RNGTT: variants seen among roughly 807,000 people sequenced by gnomAD.
The protein encoded by RNGTT is mRNA-capping enzyme.
In RNGTT, 33 loss-of-function variants were observed where a neutral mutation model predicts 79.3. The observed-to-expected ratio is 0.42, with a 90% CI of 0.32 to 0.56. The LOEUF is 0.56. Ranked by LOEUF, RNGTT falls within the 20% of genes least tolerant of loss-of-function variation. RNGTT has a pLI of 0.17. For missense variants in RNGTT, 497 were observed against 739.1 expected (o/e 0.67, Z 3.80); for synonymous variants, 222 against 235.9 (o/e 0.94, Z 0.54).
At chr6:88,853,307 A>C (rs552131663) in intron 9 of RNGTT, among the ~76,000 whole-genome samples, 7 of 152,300 alleles carry the variant, frequency 4.6e-5, no homozygotes, top group African/African-American at 1.7e-4. Context: ...GGAGTTCAAG[A>C]CCAGCCTGAC....
At position 88,874,632 on chromosome 6, in the gene RNGTT, G is replaced by A. The variant is rs1582569170; in HGVS notation, c.896+15863C>T. Among the ~76,000 whole-genome samples, 3 of 151,436 alleles carry A rather than the reference G, an allele frequency of 2.0e-5. No homozygotes were observed. The South Asian group carries it at 6.2e-4, about 31-fold the overall frequency. On this transcript the variant is annotated intron_variant, in intron 8 of 15. Transcript: ENST00000369485. Reference sequence around the variant, plus strand: ...GAATAAGAGTATGTGAGCAAATAATGAGTTAAGAAAGTATCACAGAATCGT... The same window carrying A: ...GAATAAGAGTATGTGAGCAAATAATAAGTTAAGAAAGTATCACAGAATCGT...
intron 13 of RNGTT, among the ~76,000 whole-genome samples, chr6:88,732,464 T>C (rs1777149530): frequency 6.6e-6 from 1 of 152,096 alleles, no homozygotes; most frequent in Non-Finnish European, 1.5e-5. Flanking sequence ...CCTTAAAAAA[T>C]TAAAAATAGA....
intron 12 of RNGTT, among the ~76,000 whole-genome samples, chr6:88,792,949 T>C (rs1779470318): frequency 6.6e-6 from 1 of 152,186 alleles, no homozygotes; most frequent in African/African-American, 2.4e-5. Flanking sequence ...TATTTATACT[T>C]AGAATACCCT....
chr6:88,793,275 AATG>A (rs1779482599), intron 12 of RNGTT, among the ~76,000 whole-genome samples: 1 of 152,250 alleles, frequency 6.6e-6, no homozygotes, highest in Non-Finnish European at 1.5e-5. Context: ...AGAAAATGAA[AATG>A]ATGAACTAGA....
At chr6:88,647,952 C>T (rs1773643401) in intron 14 of RNGTT, among the ~76,000 whole-genome samples, 1 of 151,642 alleles carries the variant, frequency 6.6e-6, no homozygotes, top group African/African-American at 2.4e-5. Context: ...CATGGCTTGA[C>T]CTGTCAGATT....
chr6:88,670,021 C>A lies in RNGTT; in HGVS notation c.1506+8332G>T, dbSNP rs73752996. 8.3e-3 allele frequency among the ~76,000 whole-genome samples: 1,260 copies of A among 152,210 alleles called. 19 individuals are homozygous for A. Among genetic ancestry groups the A allele is most frequent in the African/African-American group, 0.029 (1,187 of 41,522 alleles). On this transcript the variant is annotated intron_variant, in intron 14 of 15. Transcript: ENST00000369485. ...ACTGGCAGAACTTTGACTGTTAGCC[C>A]GGCAAGAAACCCAGATAAGAAATGC...
intron 13 of RNGTT, among the ~76,000 whole-genome samples, chr6:88,764,024 C>T (rs780061222): frequency 4.6e-5 from 7 of 152,164 alleles, no homozygotes; most frequent in East Asian, 1.9e-4. Flanking sequence ...TTGTCTGGAG[C>T]CTCTGAATCC....
rs1412033486 is a variant in RNGTT at position 88,794,213 on chromosome 6, C to T, written c.1338+7351G>A. ...CTGGGAAGTTTCTGAAGAGAATATGCAGAGGACAAAACTCATGTTATTGTT... is the reference window on the plus strand; with the variant it reads ...CTGGGAAGTTTCTGAAGAGAATATGTAGAGGACAAAACTCATGTTATTGTT... On this transcript the variant is annotated intron_variant, in intron 12 of 15. Coordinates refer to ENST00000369485, the MANE Select transcript of RNGTT (RefSeq NM_003800.5). Among the ~76,000 whole-genome samples the T allele has an allele frequency of 2.0e-5, 3 of 152,084 alleles. No homozygotes were observed. The East Asian group carries it at 5.8e-4, about 29-fold the overall frequency.
chr6:88,841,361 A>T (rs1781282450), intron 11 of RNGTT, among the ~76,000 whole-genome samples: 1 of 152,228 alleles, frequency 6.6e-6, no homozygotes, highest in African/African-American at 2.4e-5. Flanking sequence ...TAGTGCTAGG[A>T]TTACTTACAG....
intron 1 of RNGTT, among the ~76,000 whole-genome samples, chr6:88,954,458 A>G (rs1334390865): frequency 2.0e-5 from 3 of 152,192 alleles, no homozygotes; most frequent in Non-Finnish European, 4.4e-5. Context: ...ATATGCACCT[A>G]ACCCTGGAGC....
At chr6:88,783,759 C>T (rs528475635) in intron 12 of RNGTT, among the ~76,000 whole-genome samples, 4 of 148,748 alleles carry the variant, frequency 2.7e-5, no homozygotes, top group African/African-American at 9.8e-5. Context: ...GGGGCTGTTC[C>T]GTGCAATGTA....
rs9451061 is a variant in RNGTT at position 88,716,394 on chromosome 6, T to C, written c.1440-37975A>G. On this transcript the variant is annotated intron_variant, in intron 13 of 15. Transcript: ENST00000369485. ...GGACTGTAAACTCGTTCAACCATTG[T>C]GGAAGTCAGTGTGGTGATTCCTCAG... Among the ~76,000 whole-genome samples, 1,174 of 152,306 alleles carry C rather than the reference T, an allele frequency of 7.7e-3. 8 individuals are homozygous for C. Among genetic ancestry groups the C allele is most frequent in the African/African-American group, 0.026 (1,089 of 41,556 alleles).
chr6:88,760,751 T>C (rs1243166800), intron 13 of RNGTT, among the ~76,000 whole-genome samples: 1 of 152,148 alleles, frequency 6.6e-6, no homozygotes, highest in Non-Finnish European at 1.5e-5. Context: ...AGTAAGACTT[T>C]TTCCCCCATA....
intron 14 of RNGTT, among the ~76,000 whole-genome samples, chr6:88,634,609 A>G (rs1723239481): frequency 1.3e-5 from 2 of 152,168 alleles, no homozygotes; most frequent in African/African-American, 2.4e-5. Context: ...AAAATTCATC[A>G]TTTTATTAAT....
intron 12 of RNGTT, among the ~76,000 whole-genome samples, chr6:88,778,259 T>G (rs1778956077): frequency 6.6e-6 from 1 of 152,146 alleles, no homozygotes; most frequent in South Asian, 2.1e-4. Context: ...ATGGGTAATA[T>G]TCACTCATGC....
chr6:88,772,765 A>G (rs1239773966), intron 12 of RNGTT, among the ~76,000 whole-genome samples: 7 of 151,930 alleles, frequency 4.6e-5, no homozygotes, highest in South Asian at 2.1e-4. Context: ...CAAAACCACA[A>G]TGAGATATCA....
chr6:88,853,181 C>T (rs750657397), intron 9 of RNGTT, among the ~76,000 whole-genome samples: 2 of 152,176 alleles, frequency 1.3e-5, no homozygotes, highest in Non-Finnish European at 2.9e-5. Context: ...TATAAGTATA[C>T]ATAAGAAATA....
intron 13 of RNGTT, among the ~76,000 whole-genome samples, chr6:88,740,245 T>C (rs1777438753): frequency 6.6e-6 from 1 of 152,024 alleles, no homozygotes; most frequent in African/African-American, 2.4e-5. Context: ...GGATCAGGCA[T>C]GGTGGCTCAT....
intron 8 of RNGTT, among the ~76,000 whole-genome samples, chr6:88,882,331 T>G (rs897596913): frequency 6.6e-6 from 1 of 152,228 alleles, no homozygotes; most frequent in South Asian, 2.1e-4. Flanking sequence ...TGTTAATCAA[T>G]TATCCACAAA....
Sources: allele counts gnomAD v4.1 joint callset (sites outside exome capture counted in the v4.1 genomes callset), GRCh38; gene constraint gnomAD v4.1.1; transcripts MANE v1.5; gene names NCBI Gene and HGNC (gene_info 2026-07-23, HGNC 2026-07-21).